Variants in NMRK1 observed in about 807,000 individuals in gnomAD.
The protein encoded by NMRK1 is NRK 1.
In NMRK1, 28 loss-of-function variants were observed where a neutral mutation model predicts 29.9. That is an observed-to-expected ratio of 0.94 (90% CI 0.69 to 1.28). The LOEUF (loss-of-function observed/expected upper bound fraction) is 1.28, where lower values mean the gene tolerates loss of function less well. NMRK1 is among the 50% of genes most tolerant of loss of function. NMRK1 has a pLI of 0.00. For missense variants in NMRK1, 218 were observed against 233.1 expected, an observed-to-expected ratio of 0.94 and a Z score of 0.42; for synonymous variants, 58 against 73.0, an observed-to-expected ratio of 0.79 and a Z score of 1.05.
intron 4 of NMRK1, among the ~76,000 whole-genome samples, chr9:75,076,921 CTGGAAAAAGGTTTTAACTTATTTA>C (rs1824024579): frequency 6.6e-6 from 1 of 152,132 alleles, no homozygotes; most frequent in Non-Finnish European, 1.5e-5. Context: ...AAATATAAAA[CTGGAAAAAGGTTTTAACTTATTTA>C]AATAGTTCAA....
chr9:75,069,116 T>A lies in NMRK1; in HGVS notation c.390-14A>T. On this transcript the variant is annotated splice_polypyrimidine_tract_variant and intron_variant, in intron 6 of 8. Coordinates refer to ENST00000361092, the MANE Select transcript of NMRK1 (RefSeq NM_017881.3). ...TAGACCCTTGTACTATCAAAACACG[T>A]AGGAAACTTTATGTTGACAGAAACA... 1.9e-6 allele frequency: 3 copies of A among 1,552,810 alleles called. No individual in the cohort carries two copies. The highest frequency in any genetic ancestry group is 1.1e-5 in the South Asian group (1 of 89,472).
intron 4 of NMRK1, among the ~76,000 whole-genome samples, chr9:75,071,714 T>C (rs1823708731): frequency 6.6e-6 from 1 of 152,118 alleles, no homozygotes; most frequent in Non-Finnish European, 1.5e-5. Context: ...TGCTGTGTTG[T>C]GGGGGAAGTT....
chr9:75,074,080 CAG>C (rs1183310436), intron 4 of NMRK1, among the ~76,000 whole-genome samples: 2 of 151,222 alleles, frequency 1.3e-5, no homozygotes, highest in African/African-American at 4.9e-5. Context: ...TTTTTTGAGA[CAG>C]AGTCTCGCTC....
At chr9:75,070,192 C>A in intron 4 of NMRK1, 150 bp from the exon 5 acceptor site, 1 of 602,606 alleles carries the variant, frequency 1.7e-6, no homozygotes, top group African/African-American at 1.9e-5. Flanking sequence ...ATTTAGATAA[C>A]ATGTGGAAAC....
intron 1 of NMRK1, among the ~76,000 whole-genome samples, chr9:75,086,995 T>C (rs558706965): frequency 6.6e-6 from 1 of 151,622 alleles, no homozygotes; most frequent in South Asian, 2.1e-4. Flanking sequence ...AACCTCCGCC[T>C]TCTGGGTTCA....
rs773157 is a variant in NMRK1, at chr9:75,061,062, T to A, written c.*486A>T. The A allele has an allele frequency of 0.94, 144,377 of 152,990 alleles. 68,203 individuals carry two copies. The highest frequency in any genetic ancestry group is 1 in the East Asian group (5,193 of 5,196). The allele number at this position is 152,990 out of a possible 1,614,324, so 9.5% of individuals were successfully genotyped here. A position where few individuals can be genotyped will look rare whatever the true frequency, so the allele number is the denominator to read the frequency against. The stretch of plus-strand genomic sequence containing the variant: ...GTGGTTGTGATCAATATGTTTTTTA[T>A]AATTAAAGACGGAAAAACATCACAG... On this transcript the variant is annotated 3_prime_UTR_variant, in exon 9 of 9. Transcript: ENST00000361092.
chr9:75,082,525 T>G (rs139382661), intron 2 of NMRK1, among the ~76,000 whole-genome samples: 22 of 152,328 alleles, frequency 1.4e-4, no homozygotes, highest in African/African-American at 4.8e-4. Flanking sequence ...CAGTTGATGT[T>G]GATGTTTTAT....
intron 4 of NMRK1, among the ~76,000 whole-genome samples, chr9:75,071,131 A>G (rs1007169953): frequency 6.6e-6 from 1 of 152,032 alleles, no homozygotes. Context: ...GACTCCAATG[A>G]TATGAATATT....
chr9:75,070,406 T>C (rs1823632438), intron 4 of NMRK1, among the ~76,000 whole-genome samples: 1 of 152,182 alleles, frequency 6.6e-6, no homozygotes, highest in Non-Finnish European at 1.5e-5. Flanking sequence ...TATCTACAGA[T>C]AAGTTTGAAA....
chr9:75,081,105 A>C (rs1427103038), intron 2 of NMRK1, among the ~76,000 whole-genome samples: 1 of 152,240 alleles, frequency 6.6e-6, no homozygotes, highest in Non-Finnish European at 1.5e-5. Flanking sequence ...GAATTCCTTC[A>C]GAACCCCTGT....
chr9:75,077,057 T>C, intron 4 of NMRK1, 102 bp downstream of exon 4: 1 of 696,334 alleles, frequency 1.4e-6, no homozygotes, highest in Non-Finnish European at 2.5e-6. Flanking sequence ...TTTTTTAAAT[T>C]TTTGTTCCAC....
At chr9:75,080,852 A>G (rs1423764410) in intron 2 of NMRK1, among the ~76,000 whole-genome samples, 1 of 152,164 alleles carries the variant, frequency 6.6e-6, no homozygotes, top group Non-Finnish European at 1.5e-5. Context: ...GCCATGTGAC[A>G]TGCTGGATCC....
At position 75,064,511 on chromosome 9, in the gene NMRK1, A is replaced by G. The variant is rs138488405; in HGVS notation, c.580+2246T>C. Among the ~76,000 whole-genome samples, 109 of 152,260 alleles carry G rather than the reference A, an allele frequency of 7.2e-4. No individual in the cohort carries two copies. The East Asian group carries it at 0.021, about 29-fold the overall frequency. On this transcript the variant is annotated intron_variant, in intron 8 of 8. Coordinates refer to ENST00000361092, the MANE Select transcript of NMRK1 (RefSeq NM_017881.3). Reference sequence around the variant, plus strand: ...ATTATGGAAGGCCTGACTTTCATCAAAGTAACAGATGGCAGGAGTGGGCGG... The same window carrying G: ...ATTATGGAAGGCCTGACTTTCATCAGAGTAACAGATGGCAGGAGTGGGCGG...
At chr9:75,067,142 T>A in intron 7 of NMRK1, 1 of 247,270 alleles carries the variant, frequency 4.0e-6, no homozygotes, top group African/African-American at 2.3e-5. Context: ...AGTGGTGTTG[T>A]GCATACGGCA....
intron 1 of NMRK1, among the ~76,000 whole-genome samples, chr9:75,083,383 G>A (rs1414901036): frequency 1.3e-5 from 2 of 152,152 alleles, no homozygotes; most frequent in Non-Finnish European, 2.9e-5. Flanking sequence ...GTGACCTGCC[G>A]GAGCACTCCC....
intron 8 of NMRK1, chr9:75,066,126 CAGT>C: frequency 3.1e-6 from 1 of 323,924 alleles, no homozygotes; most frequent in South Asian, 2.6e-5. Flanking sequence ...TGACCTTCAG[CAGT>C]AGGATATAAA....
chr9:75,083,497 C>A (rs1484885332), intron 1 of NMRK1, among the ~76,000 whole-genome samples: 2 of 152,220 alleles, frequency 1.3e-5, no homozygotes, highest in Non-Finnish European at 2.9e-5. Flanking sequence ...CTTCACGATT[C>A]AGTCGCCTGG....
chr9:75,080,780 G>A (rs1403665436), intron 2 of NMRK1, among the ~76,000 whole-genome samples: 3 of 152,154 alleles, frequency 2.0e-5, no homozygotes, highest in African/African-American at 7.2e-5. Flanking sequence ...GTTGGTTCAC[G>A]TGAGAGCTGG....
At position 75,066,381 on chromosome 9, in the gene NMRK1, T is replaced by A. The variant is rs148835912; in HGVS notation, c.580+376A>T. The A allele has an allele frequency of 1.1e-3, 481 of 433,016 alleles. 2 individuals are homozygous for A. The highest frequency in any genetic ancestry group is 9.1e-3 in the African/African-American group (446 of 48,890). 26.8% of individuals were successfully genotyped at this position (433,016 alleles called of 1,614,324 possible). On this transcript the variant is annotated intron_variant, in intron 8 of 8. Coordinates refer to ENST00000361092, the MANE Select transcript of NMRK1 (RefSeq NM_017881.3). ...TGGAAAGTAGAAATTTTACAGAAAG[T>A]CTTTAAGGGAATAAAAGAAAAGGGG...
Sources: gnomAD v4.1 joint callset for allele counts (sites outside exome capture counted in the v4.1 genomes callset) on GRCh38, gnomAD v4.1.1 for gene constraint, MANE v1.5 for transcripts, NCBI Gene and HGNC (gene_info 2026-07-23, HGNC 2026-07-21) for gene names.